The following CACNA1C variants were observed in gnomAD, a reference collection of about 807,000 sequenced individuals.
The protein encoded by CACNA1C is voltage-dependent L-type calcium channel subunit alpha-1C.
Under a neutral mutation model 229.0 loss-of-function variants are expected in CACNA1C, and 30 were observed. The ratio of observed to expected loss-of-function variants is 0.13; its 90% confidence interval spans 0.10 to 0.18. The LOEUF (loss-of-function observed/expected upper bound fraction) is 0.18. Ranked by LOEUF, CACNA1C falls within the 10% of genes least tolerant of loss-of-function variation. The probability of loss-of-function intolerance (pLI) is 1.00; values close to 1 mark genes in which losing one functional copy is unlikely to be tolerated. For synonymous variants in CACNA1C, 1,114 were observed against 1,132.5 expected, an observed-to-expected ratio of 0.98 and a Z score of 0.33; for missense variants, 1,658 against 2,845.0, an observed-to-expected ratio of 0.58 and a Z score of 9.49.
chr12:2,191,930 C>T (rs2097242187), intron 3 of CACNA1C, among the ~76,000 whole-genome samples: 1 of 132,852 alleles, frequency 7.5e-6, no homozygotes, highest in South Asian at 2.5e-4. Context: ...AGGCACACAC[C>T]TACACATGGA....
rs36012443 is a variant in CACNA1C, at chr12:2,560,848, TAAAAAAAAAAA to T, written c.1508+3884_1508+3894del. Among the ~76,000 whole-genome samples the T allele has an allele frequency of 1.4e-4, 16 of 113,080 alleles. No individual in the cohort carries two copies. In the South Asian group the frequency reaches 4.2e-3, roughly 30 times the overall value. The allele number at this position is 113,080 out of a possible 152,430, so 74.2% of individuals were successfully genotyped here. Reference sequence around the variant, plus strand: ...CTGTGGTGTTTGTTGTTGGTTCTGGTAAAAAAAAAAAAAAAAAAAAAAAGTGGAAACTTACT... The same window carrying T: ...CTGTGGTGTTTGTTGTTGGTTCTGGTAAAAAAAAAAAAGTGGAAACTTACT... On this transcript the variant is annotated intron_variant, in intron 11 of 46. Coordinates refer to ENST00000399655, the MANE Select transcript of CACNA1C (RefSeq NM_000719.7).
chr12:2,637,276 A>T (rs1419838635), intron 30 of CACNA1C, among the ~76,000 whole-genome samples: 1 of 152,198 alleles, frequency 6.6e-6, no homozygotes, highest in Admixed American at 6.5e-5. Context: ...AACTCTATAT[A>T]AACTGGTAAA....
intron 6 of CACNA1C, among the ~76,000 whole-genome samples, chr12:2,489,006 G>A (rs557135745): frequency 5.3e-5 from 8 of 152,220 alleles, no homozygotes; most frequent in African/African-American, 9.6e-5. Context: ...CTGTGCAGCC[G>A]TGGAGTAGAA....
rs547336558 is a variant in CACNA1C at position 2,524,101 on chromosome 12, G to T, written c.1390+11117G>T. ...CATCGTCGGGTGCATGGCATGGGAG[G>T]ATGATTTATAGAACTGGAACCCTGA... On this transcript the variant is annotated intron_variant, in intron 9 of 46. Transcript: ENST00000399655. Among the ~76,000 whole-genome samples, 3 of 152,198 alleles carry T rather than the reference G, an allele frequency of 2.0e-5. No individual in the cohort carries two copies. The South Asian group carries it at 6.2e-4, about 31-fold the overall frequency.
At chr12:2,409,948 A>G (rs1020197408) in intron 3 of CACNA1C, among the ~76,000 whole-genome samples, 1 of 152,242 alleles carries the variant, frequency 6.6e-6, no homozygotes, top group Admixed American at 6.5e-5. Context: ...AAGGGAGAGC[A>G]CAAGGGAGAA....
chr12:2,258,928 T>C (rs1278127988), intron 3 of CACNA1C, among the ~76,000 whole-genome samples: 1 of 152,200 alleles, frequency 6.6e-6, no homozygotes, highest in Non-Finnish European at 1.5e-5. Flanking sequence ...AAAGTAATAT[T>C]ATGAATTCAA....
rs1432380627 is a variant in CACNA1C, at chr12:2,566,902, C to T, written c.1669+320C>T. Among the ~76,000 whole-genome samples the T allele has an allele frequency of 3.3e-5, 5 of 152,198 alleles. No homozygotes were observed. The highest frequency in any genetic ancestry group is 7.3e-5 in the Non-Finnish European group (5 of 68,036). ...TCTCAGACTCCTGGCTGCCAACTCC[C>T]CAGCATGGATTTTAAATACCTGGGG... is the stretch of plus-strand genomic sequence containing the variant. On this transcript the variant is annotated intron_variant, in intron 12 of 46. Transcript: ENST00000399655. This position sits in a 1 kb window ranked among gnomAD's most constrained non-coding sequence, Gnocchi z 4.0.
At chr12:2,120,486 G>A in intron 3 of CACNA1C, 56 bp downstream of exon 3, 1 of 942,666 alleles carries the variant, frequency 1.1e-6, no homozygotes, top group Non-Finnish European at 1.8e-6. Flanking sequence ...ACTGCGTTCA[G>A]ATCACATAGA....
intron 2 of CACNA1C, among the ~76,000 whole-genome samples, chr12:2,117,692 G>T (rs149117517): frequency 6.6e-6 from 1 of 152,262 alleles, no homozygotes; most frequent in African/African-American, 2.4e-5. Flanking sequence ...TGGGACCGGT[G>T]AGGTCTTAGG....
chr12:2,486,210 G>A lies in CACNA1C; in HGVS notation c.864G>A (p.Glu288=), dbSNP rs749309131. Residue 288 remains glutamate, a synonymous_variant, in exon 6 of 47, where the codon GAG becomes GAA. Transcript: ENST00000399655. This position sits in a 1 kb window ranked among gnomAD's most constrained non-coding sequence, Gnocchi z 4.9. ...TCATCTACGCCATCATCGGCTTGGA[G>A]CTCTTCATGGGGAAGATGCACAAGA... ...VIIIYAIIGL[E]LFMGKMHKTC... 4 of 1,613,754 alleles carry A rather than the reference G, an allele frequency of 2.5e-6. No homozygotes were observed. In the South Asian group the frequency reaches 4.4e-5, roughly 18 times the overall value.
intron 3 of CACNA1C, among the ~76,000 whole-genome samples, chr12:2,245,292 T>G (rs1367912472): frequency 3.9e-5 from 6 of 152,298 alleles, no homozygotes; most frequent in East Asian, 1.9e-4. Context: ...GCTGAGCCAT[T>G]CTCAGCTCCA....
At chr12:2,177,690 G>A (rs2154275745) in intron 3 of CACNA1C, among the ~76,000 whole-genome samples, 1 of 151,384 alleles carries the variant, frequency 6.6e-6, no homozygotes, top group East Asian at 1.9e-4. Context: ...AGGCTGGAGT[G>A]CAGTGGCACG....
intron 3 of CACNA1C, among the ~76,000 whole-genome samples, chr12:2,292,691 G>A (rs1452773373): frequency 6.6e-6 from 1 of 152,256 alleles, no homozygotes; most frequent in Non-Finnish European, 1.5e-5. Context: ...GCAGGGCAGA[G>A]ACTGAGTGTG....
At chr12:2,261,865 T>A (rs972225572) in intron 3 of CACNA1C, among the ~76,000 whole-genome samples, 6 of 152,234 alleles carry the variant, frequency 3.9e-5, no homozygotes, top group Non-Finnish European at 7.3e-5. Flanking sequence ...TGCTGGGATG[T>A]GTGCAGTACT....
At chr12:2,568,641 T>C (rs768228570) in intron 13 of CACNA1C, among the ~76,000 whole-genome samples, 32 of 152,308 alleles carry the variant, frequency 2.1e-4, no homozygotes, top group Middle Eastern at 3.4e-3. Flanking sequence ...TTAAGGACAT[T>C]ATGCTAAGTG....
At chr12:2,022,229 T>C (rs920242443) in intron 1 of CACNA1C, among the ~76,000 whole-genome samples, 1 of 152,170 alleles carries the variant, frequency 6.6e-6, no homozygotes, top group Non-Finnish European at 1.5e-5. Context: ...CTGTCCAGGA[T>C]TGGATCCTGC....
intron 4 of CACNA1C, among the ~76,000 whole-genome samples, chr12:2,453,375 T>C (rs10774048): frequency 0.82 from 125,050 of 152,118 alleles, 51,858 homozygotes; most frequent in East Asian, 0.93. Context: ...ATGAAAGCTG[T>C]CCTGGTTCAT....
chr12:2,401,936 G>A (rs1156764214), intron 3 of CACNA1C, among the ~76,000 whole-genome samples: 1 of 152,176 alleles, frequency 6.6e-6, no homozygotes, highest in East Asian at 1.9e-4. Flanking sequence ...CTTAAGGAAG[G>A]CTCTAGATAT....
chr12:2,255,297 A>G (rs562817937), intron 3 of CACNA1C, among the ~76,000 whole-genome samples: 4 of 151,042 alleles, frequency 2.6e-5, no homozygotes, highest in South Asian at 4.2e-4. Context: ...CCTAGTTACT[A>G]GGAAAGCACC....
Sources: allele counts gnomAD v4.1 joint callset (sites outside exome capture counted in the v4.1 genomes callset), GRCh38; gene constraint gnomAD v4.1.1; non-coding constraint Gnocchi (gnomAD v3.1); transcripts MANE v1.5; gene names NCBI Gene and HGNC (gene_info 2026-07-23, HGNC 2026-07-21).